Variants in IMPA2 observed in about 807,000 individuals in gnomAD.
IMPA2 encodes the protein inositol monophosphatase 2, also known as IMP 2.
IMPA2 carries 32 observed loss-of-function variants against 35.1 expected under a neutral mutation model. That is an observed-to-expected ratio of 0.91 (90% CI 0.69 to 1.23). The LOEUF (loss-of-function observed/expected upper bound fraction) is 1.23, where lower values mean the gene tolerates loss of function less well. IMPA2 is among the 50% of genes most tolerant of loss of function. The probability of loss-of-function intolerance (pLI) is 0.00; values close to 1 mark genes in which losing one functional copy is unlikely to be tolerated. For missense variants in IMPA2, 334 were observed against 387.6 expected (o/e 0.86, Z 1.16); for synonymous variants, 135 against 160.6 (o/e 0.84, Z 1.20).
At chr18:11,984,336 T>C (rs182901925) in intron 1 of IMPA2, among the ~76,000 whole-genome samples, 1 of 152,186 alleles carries the variant, frequency 6.6e-6, no homozygotes, top group Non-Finnish European at 1.5e-5. Flanking sequence ...GGGAGCCTCC[T>C]CCCTGGCTGT....
Position 12,012,397 on chromosome 18 carries a change from G to A in IMPA2, c.381+182G>A, listed in dbSNP as rs1338425620. The stretch of plus-strand genomic sequence containing the variant: ...TAAACAAGTCCAGACTGGCTTTGGG[G>A]TGTGCGGGGTGGGGCTCCGTGGCTG... On this transcript the variant is annotated intron_variant, in intron 4 of 7. Coordinates refer to ENST00000269159, the MANE Select transcript of IMPA2 (RefSeq NM_014214.3). The A allele has an allele frequency of 8.1e-6, 5 of 618,272 alleles. No homozygotes were observed. The South Asian group carries it at 9.9e-5, about 12-fold the overall frequency. The allele number at this position is 618,272 out of a possible 1,614,324, so 38.3% of individuals were successfully genotyped here. A position where few individuals can be genotyped will look rare whatever the true frequency, so the allele number is the denominator to read the frequency against.
Position 12,019,139 on chromosome 18 carries a change from T to TA in IMPA2, c.490+4772dup, listed in dbSNP as rs2066233497. Among the ~76,000 whole-genome samples, 5 of 152,292 alleles carry TA rather than the reference T, an allele frequency of 3.3e-5. No individual in the cohort carries two copies. In the South Asian group the frequency reaches 8.3e-4, roughly 25 times the overall value. ...CCAACCCAGCCTGTTTTTGATGTCT[T>TA]AAAAAATGTCTAACCTCACATAGAT... On this transcript the variant is annotated intron_variant, in intron 5 of 7. Transcript: ENST00000269159.
chr18:12,014,254 G>T lies in IMPA2; in HGVS notation c.382-11G>T. The T allele has an allele frequency of 6.2e-7, 1 of 1,601,388 alleles. No individual in the cohort carries two copies. The highest frequency in any genetic ancestry group is 8.6e-7 in the Non-Finnish European group (1 of 1,168,686). The stretch of plus-strand genomic sequence containing the variant: ...CATCTTTGTTTTCTGTCCTGCCTCT[G>T]CCGCCCACAGCTTGAATTCGGAGTG... On this transcript the variant is annotated splice_polypyrimidine_tract_variant and intron_variant, in intron 4 of 7. Coordinates refer to ENST00000269159, the MANE Select transcript of IMPA2 (RefSeq NM_014214.3).
chr18:12,011,125 A>G (rs1372247309), intron 3 of IMPA2, among the ~76,000 whole-genome samples: 2 of 152,190 alleles, frequency 1.3e-5, no homozygotes, highest in African/African-American at 4.8e-5. Flanking sequence ...CCACACGTCC[A>G]TTCGAGGGTC....
In IMPA2 at chr18:11,991,846, A is replaced by ATTT. The variant is rs11390149; in HGVS notation, c.97-7195_97-7193dup. Among the ~76,000 whole-genome samples the ATTT allele has an allele frequency of 0.094, 13,585 of 143,994 alleles. 792 individuals carry two copies. The highest frequency in any genetic ancestry group is 0.28 in the East Asian group (1,327 of 4,794). 94.5% of individuals were successfully genotyped at this position (143,994 alleles called of 152,430 possible). A position where few individuals can be genotyped will look rare whatever the true frequency, so the allele number is the denominator to read the frequency against. On this transcript the variant is annotated intron_variant, in intron 1 of 7. Transcript: ENST00000269159. This position sits in a 1 kb window ranked among gnomAD's most constrained non-coding sequence, Gnocchi z 4.1. ...TGCCCTCGCAGAAACACCCAGAACA[A>ATTT]TTTTTTTTTTTTTTTGAGATGGAGC...
intron 1 of IMPA2, among the ~76,000 whole-genome samples, chr18:11,993,483 G>C (rs927953623): frequency 3.3e-5 from 5 of 152,208 alleles, no homozygotes; most frequent in African/African-American, 9.6e-5. Flanking sequence ...GCCCTATCTG[G>C]TGTATATGGG....
In IMPA2 at chr18:12,010,293, C is replaced by G; in HGVS notation, c.335+306C>G. 3.6e-6 allele frequency: 1 copy of G among 274,432 alleles called. No homozygotes were observed. Among genetic ancestry groups the G allele is most frequent in the Admixed American group, 5.1e-5 (1 of 19,708 alleles). 17.0% of individuals were successfully genotyped at this position (274,432 alleles called of 1,614,324 possible). On this transcript the variant is annotated intron_variant, in intron 3 of 7. Coordinates refer to ENST00000269159, the MANE Select transcript of IMPA2 (RefSeq NM_014214.3). The surrounding 1 kb of genome is among the most constrained non-coding windows in gnomAD (Gnocchi z 4.8). ...AGTCTGACTCCCCTCACACCCCACCCCCACTGGAGAAAAAGGTGAGGTTGG... is the reference window on the plus strand; with the variant it reads ...AGTCTGACTCCCCTCACACCCCACCGCCACTGGAGAAAAAGGTGAGGTTGG...
At chr18:11,997,662 G>A (rs1451676241) in intron 1 of IMPA2, among the ~76,000 whole-genome samples, 4 of 152,158 alleles carry the variant, frequency 2.6e-5, no homozygotes. Context: ...TCTTCTGGCA[G>A]CACAGGGCCT....
At chr18:11,990,213 C>T (rs1196362883) in intron 1 of IMPA2, among the ~76,000 whole-genome samples, 1 of 152,200 alleles carries the variant, frequency 6.6e-6, no homozygotes, top group Non-Finnish European at 1.5e-5. Context: ...TGGCGCCCTG[C>T]CCCTGGGCTC....
chr18:11,983,383 T>C (rs374595163), intron 1 of IMPA2, among the ~76,000 whole-genome samples: 1 of 152,214 alleles, frequency 6.6e-6, no homozygotes, highest in Non-Finnish European at 1.5e-5. Flanking sequence ...CTTTTCTTCC[T>C]TGAGGCAGTG....
At chr18:11,981,793 C>T in intron 1 of IMPA2, 28 bp downstream of exon 1, 1 of 1,211,732 alleles carries the variant, frequency 8.3e-7, no homozygotes, top group Non-Finnish European at 1.0e-6. Flanking sequence ...GCTCGGAAGT[C>T]CGGGCGGAGC....
intron 1 of IMPA2, among the ~76,000 whole-genome samples, chr18:11,984,980 A>C (rs1906619717): frequency 6.8e-6 from 1 of 147,398 alleles, no homozygotes; most frequent in Admixed American, 7.0e-5. Context: ...AAAAAAAAAA[A>C]AAAAACAACA....
chr18:12,029,793 A>G (rs1907995396), intron 7 of IMPA2, among the ~76,000 whole-genome samples: 1 of 152,226 alleles, frequency 6.6e-6, no homozygotes, highest in African/African-American at 2.4e-5. Context: ...CGTATGTGCA[A>G]GCAGGTCTCC....
intron 1 of IMPA2, among the ~76,000 whole-genome samples, chr18:11,985,014 C>G (rs1056261876): frequency 3.4e-5 from 5 of 148,126 alleles, no homozygotes; most frequent in African/African-American, 1.0e-4. Context: ...CGTGGTGGCA[C>G]ACGCCTGTAA....
intron 5 of IMPA2, among the ~76,000 whole-genome samples, chr18:12,016,427 T>C (rs2143813209): frequency 6.7e-6 from 1 of 148,852 alleles, no homozygotes; most frequent in Non-Finnish European, 1.5e-5. Context: ...TTCTGCCGCT[T>C]TTTTTTTTTT....
intron 1 of IMPA2, among the ~76,000 whole-genome samples, chr18:11,984,692 GC>G (rs1010209355): frequency 6.6e-6 from 1 of 151,890 alleles, no homozygotes; most frequent in African/African-American, 2.4e-5. Context: ...CTGTGGCCGG[GC>G]GCGGTGGCTC....
chr18:11,990,263 A>G (rs1906777358), intron 1 of IMPA2, among the ~76,000 whole-genome samples: 1 of 152,194 alleles, frequency 6.6e-6, no homozygotes, highest in African/African-American at 2.4e-5. Context: ...AGACCTGGCC[A>G]GTCACTGCAG....
At chr18:12,020,689 A>C (rs1056617993) in intron 5 of IMPA2, among the ~76,000 whole-genome samples, 1 of 151,532 alleles carries the variant, frequency 6.6e-6, no homozygotes, top group South Asian at 2.1e-4. Flanking sequence ...TTCACCCTCA[A>C]TTTCCTGCAA....
intron 3 of IMPA2, 67 bp from the exon 4 acceptor site, chr18:12,012,103 A>G (rs1281586589): frequency 4.0e-6 from 6 of 1,492,782 alleles, no homozygotes; most frequent in Middle Eastern, 1.7e-4. Context: ...GGAGCCGCAC[A>G]GCACACAGGC....
Sources: gnomAD v4.1 joint callset for allele counts (sites outside exome capture counted in the v4.1 genomes callset) on GRCh38, gnomAD v4.1.1 for gene constraint, Gnocchi (gnomAD v3.1) non-coding constraint, MANE v1.5 for transcripts, NCBI Gene and HGNC (gene_info 2026-07-23, HGNC 2026-07-21) for gene names.